Variants in FRMD5 observed in about 807,000 individuals in gnomAD.
The protein encoded by FRMD5 is FERM domain-containing protein 5.
A neutral mutation model predicts 69.0 loss-of-function variants in FRMD5; 20 were observed. That is an observed-to-expected ratio of 0.29 (90% confidence interval 0.20 to 0.42). FRMD5 has a LOEUF of 0.42. FRMD5 is among the 10% of genes least tolerant of loss of function. The probability of loss-of-function intolerance (pLI) is 1.00; values close to 1 mark genes in which losing one functional copy is unlikely to be tolerated. For missense variants in FRMD5, 595 were observed against 708.6 expected (o/e 0.84, Z 1.82); for synonymous variants, 271 against 260.1 (o/e 1.04, Z -0.40).
intron 1 of FRMD5, among the ~76,000 whole-genome samples, chr15:44,073,205 C>T (rs1372306975): frequency 1.3e-5 from 2 of 152,026 alleles, no homozygotes; most frequent in African/African-American, 2.4e-5. Flanking sequence ...CTTACGTATT[C>T]CTCTCCCTAT....
intron 2 of FRMD5, 72 bp downstream of exon 2, chr15:43,924,133 T>C (rs1363167858): frequency 1.8e-5 from 21 of 1,150,284 alleles, no homozygotes; most frequent in Non-Finnish European, 2.5e-5. Flanking sequence ...ACTTTGAATA[T>C]GAATGACAGT....
chr15:43,964,051 T>TATA (rs911058123), intron 1 of FRMD5, among the ~76,000 whole-genome samples: 1 of 151,246 alleles, frequency 6.6e-6, no homozygotes, highest in Non-Finnish European at 1.5e-5. Flanking sequence ...AAACTTAAAG[T>TATA]ATAATAATAA....
chr15:43,959,890 C>A (rs144814848), intron 1 of FRMD5, among the ~76,000 whole-genome samples: 1 of 152,098 alleles, frequency 6.6e-6, no homozygotes. Flanking sequence ...TGCATCCACA[C>A]GCTAAATTTT....
At chr15:44,021,854 A>G (rs1891222285) in intron 1 of FRMD5, among the ~76,000 whole-genome samples, 1 of 152,238 alleles carries the variant, frequency 6.6e-6, no homozygotes, top group Admixed American at 6.5e-5. Flanking sequence ...CACTATTCAG[A>G]GAAGCATTCT....
intron 4 of FRMD5, among the ~76,000 whole-genome samples, chr15:43,911,265 C>T (rs765385283): frequency 1.3e-5 from 2 of 152,210 alleles, no homozygotes; most frequent in Non-Finnish European, 2.9e-5. Flanking sequence ...ATGGCTTAGA[C>T]TTGGTGACTC....
At chr15:44,063,535 A>G (rs768731371) in intron 1 of FRMD5, 3 of 484,612 alleles carry the variant, frequency 6.2e-6, no homozygotes, top group Non-Finnish European at 1.2e-5. Flanking sequence ...GGCCAGGGTA[A>G]ATGAATTTAG....
At chr15:44,196,011 T>C (rs2078289816), upstream of FRMD5, among the ~76,000 whole-genome samples, 1 of 152,226 alleles carries the variant, frequency 6.6e-6, no homozygotes, top group Admixed American at 6.5e-5. Flanking sequence ...CTTCAGACTT[T>C]CTCAATAGAA....
chr15:44,085,012 G>A (rs913643482), intron 1 of FRMD5, among the ~76,000 whole-genome samples: 1 of 152,050 alleles, frequency 6.6e-6, no homozygotes, highest in East Asian at 1.9e-4. Flanking sequence ...AGCACCAAGA[G>A]ATTTACCTAT....
rs764687720 is a variant in FRMD5 at position 43,892,028 on chromosome 15, A to C, written c.681T>G (p.Phe227Leu). The C allele has an allele frequency of 3.1e-6, 5 of 1,614,118 alleles. No homozygotes were observed. Among genetic ancestry groups the C allele is most frequent in the Non-Finnish European group, 4.2e-6 (5 of 1,179,962 alleles). ...GNAAFLAFTP[F>L]GFVVLQGNKR... is the part of the protein sequence containing the mutation. ...TGTTTCCTTGAAGAACAACAAACCC[A>C]AAAGGAGTGAAGGCCAGAAATGCAG... The change falls in exon 8 of 14, where the codon TTT (phenylalanine) becomes TTG (leucine). Residue 227 changes from phenylalanine to leucine, a missense_variant. Physicochemically the swap from Phe to Leu is conservative, Grantham distance 22. Around this residue, in one of 5 missense-constraint regions of FRMD5, gnomAD observed 176 missense variants for 266.3 expected, o/e 0.66. Transcript: ENST00000417257.
At chr15:43,874,699 A>G (rs1229404991) in intron 13 of FRMD5, among the ~76,000 whole-genome samples, 1 of 152,116 alleles carries the variant, frequency 6.6e-6, no homozygotes, top group East Asian at 1.9e-4. Context: ...CAGGAGTTCC[A>G]GACCAGCCTG....
intron 1 of FRMD5, among the ~76,000 whole-genome samples, chr15:43,977,496 A>G (rs1034554806): frequency 6.6e-6 from 1 of 152,140 alleles, no homozygotes; most frequent in African/African-American, 2.4e-5. Context: ...TTGTTGCTAT[A>G]GCAGGAATGC....
At chr15:43,932,540 T>C (rs2140468163) in intron 1 of FRMD5, among the ~76,000 whole-genome samples, 3 of 152,122 alleles carry the variant, frequency 2.0e-5, no homozygotes, top group African/African-American at 7.2e-5. Context: ...AAGGAGGAGC[T>C]GAATAAGGGG....
chr15:43,875,636 C>T (rs1434486685), intron 13 of FRMD5, among the ~76,000 whole-genome samples: 1 of 151,054 alleles, frequency 6.6e-6, no homozygotes, highest in Non-Finnish European at 1.5e-5. Context: ...TGCCACCACA[C>T]CCAGCTAATT....
intron 1 of FRMD5, among the ~76,000 whole-genome samples, chr15:44,081,359 A>G (rs766746327): frequency 2.6e-5 from 4 of 152,170 alleles, no homozygotes; most frequent in South Asian, 2.1e-4. Context: ...GGGAAAGTCT[A>G]TGTGTTACCA....
At chr15:44,047,003 T>C (rs1892455006) in intron 1 of FRMD5, among the ~76,000 whole-genome samples, 1 of 152,130 alleles carries the variant, frequency 6.6e-6, no homozygotes, top group South Asian at 2.1e-4. Flanking sequence ...ATAATTCAAC[T>C]GTTAGTCAAT....
chr15:43,925,256 C>T (rs1398666390), intron 1 of FRMD5, among the ~76,000 whole-genome samples: 5 of 152,138 alleles, frequency 3.3e-5, no homozygotes, highest in Non-Finnish European at 7.4e-5. Context: ...CTGCCTGCCT[C>T]GGCCTCCCAA....
chr15:44,196,400 G>T (rs1001365783), upstream of FRMD5, among the ~76,000 whole-genome samples: 1 of 151,686 alleles, frequency 6.6e-6, no homozygotes, highest in African/African-American at 2.4e-5. Flanking sequence ...GGAGGCAGAG[G>T]TTGCAGTGAA....
At chr15:44,042,297 A>G (rs565593704) in intron 1 of FRMD5, among the ~76,000 whole-genome samples, 1 of 152,290 alleles carries the variant, frequency 6.6e-6, no homozygotes, top group African/African-American at 2.4e-5. Context: ...TAGCCTACCA[A>G]TCAAAAAAAG....
intron 1 of FRMD5, among the ~76,000 whole-genome samples, chr15:43,976,075 AG>A (rs2090457654): frequency 6.6e-6 from 1 of 151,292 alleles, no homozygotes; most frequent in African/African-American, 2.4e-5. Context: ...AAAAAAAAAA[AG>A]GGAGAGGGAG....
Sources: allele counts gnomAD v4.1 joint callset (sites outside exome capture counted in the v4.1 genomes callset), GRCh38; gene constraint gnomAD v4.1.1; regional missense constraint gnomAD v4.1.1; transcripts MANE v1.5; gene names NCBI Gene and HGNC (gene_info 2026-07-23, HGNC 2026-07-21).